CNTNAP2: variants seen among roughly 807,000 people sequenced by gnomAD.
CNTNAP2 encodes contactin-associated protein-like 2.
Under a neutral mutation model 155.2 loss-of-function variants are expected in CNTNAP2, and 98 were observed. The observed-to-expected ratio is 0.63, with a 90% CI of 0.54 to 0.75. The LOEUF (loss-of-function observed/expected upper bound fraction) is 0.75. CNTNAP2 is among the 30% of genes least tolerant of loss of function. The probability of loss-of-function intolerance (pLI) is 0.00; values close to 1 mark genes in which losing one functional copy is unlikely to be tolerated. For missense variants in CNTNAP2, 1,727 were observed against 1,688.1 expected (o/e 1.02, Z -0.40); for synonymous variants, 651 against 631.2 (o/e 1.03, Z -0.47).
intron 1 of CNTNAP2, among the ~76,000 whole-genome samples, chr7:146,179,300 T>G (rs751913703): frequency 2.6e-5 from 4 of 151,874 alleles, no homozygotes; most frequent in Non-Finnish European, 5.9e-5. Flanking sequence ...ATGGGGTAAA[T>G]AAAAATAGAA....
At chr7:147,453,848 A>G (rs1797874990) in intron 10 of CNTNAP2, among the ~76,000 whole-genome samples, 4 of 152,208 alleles carry the variant, frequency 2.6e-5, no homozygotes, top group Admixed American at 2.6e-4. Flanking sequence ...AGTGGAAATA[A>G]GGCCAAATTG....
chr7:147,626,711 A>C (rs1221224180), intron 12 of CNTNAP2, among the ~76,000 whole-genome samples: 2 of 152,202 alleles, frequency 1.3e-5, no homozygotes, highest in East Asian at 3.9e-4. Flanking sequence ...GAGGCCAACC[A>C]ACTCAGGCCA....
intron 13 of CNTNAP2, among the ~76,000 whole-genome samples, chr7:147,839,208 T>A (rs2116648530): frequency 6.6e-6 from 1 of 152,234 alleles, no homozygotes; most frequent in African/African-American, 2.4e-5. Flanking sequence ...AGATTGAGGG[T>A]GGATCTGCCT....
At chr7:147,946,266 G>A (rs933508980) in intron 14 of CNTNAP2, among the ~76,000 whole-genome samples, 4 of 152,040 alleles carry the variant, frequency 2.6e-5, no homozygotes, top group Admixed American at 6.6e-5. Context: ...GAGAGCAGCA[G>A]GTAGACATGC....
At chr7:147,223,670 C>T (rs780986527) in intron 8 of CNTNAP2, among the ~76,000 whole-genome samples, 9 of 152,086 alleles carry the variant, frequency 5.9e-5, no homozygotes, top group African/African-American at 1.7e-4. Flanking sequence ...GGGCCAGGAG[C>T]GGTGGCTCAC....
chr7:147,901,456 A>G (rs1799865747), intron 13 of CNTNAP2, among the ~76,000 whole-genome samples: 1 of 152,196 alleles, frequency 6.6e-6, no homozygotes, highest in South Asian at 2.1e-4. Context: ...TTGCAATGTG[A>G]CCTTCATCTG....
intron 8 of CNTNAP2, among the ~76,000 whole-genome samples, chr7:147,240,713 T>G (rs2116636811): frequency 6.6e-6 from 1 of 152,284 alleles, no homozygotes; most frequent in South Asian, 2.1e-4. Context: ...CAATGTTTGG[T>G]TTGGCCAGCA....
chr7:148,398,984 C>A (rs773419374), intron 22 of CNTNAP2, among the ~76,000 whole-genome samples: 7 of 152,210 alleles, frequency 4.6e-5, no homozygotes, highest in Non-Finnish European at 1.0e-4. Context: ...GAAACTGGGG[C>A]TATTTCTATG....
intron 3 of CNTNAP2, among the ~76,000 whole-genome samples, chr7:146,962,362 A>G (rs1225417404): frequency 6.6e-6 from 1 of 152,154 alleles, no homozygotes; most frequent in Non-Finnish European, 1.5e-5. Context: ...TTGAGTTCAT[A>G]TTTGAGTGCA....
chr7:146,280,982 T>C (rs1800242468), intron 1 of CNTNAP2, among the ~76,000 whole-genome samples: 1 of 152,108 alleles, frequency 6.6e-6, no homozygotes, highest in South Asian at 2.1e-4. Context: ...TCCTGAACAT[T>C]TCAGAAGTGA....
intron 1 of CNTNAP2, among the ~76,000 whole-genome samples, chr7:146,633,832 G>GAAAAAAAAA (rs60993956): frequency 0.021 from 1,686 of 78,918 alleles, 147 homozygotes; most frequent in African/African-American, 0.043. Flanking sequence ...TGCATCTAGA[G>GAAAAAAAAA]AAAAAAAAAA....
chr7:147,355,354 C>A (rs529118199), intron 9 of CNTNAP2, among the ~76,000 whole-genome samples: 1 of 151,794 alleles, frequency 6.6e-6, no homozygotes, highest in African/African-American at 2.4e-5. Flanking sequence ...CATCTAGAAT[C>A]GGTATCCTAA....
At chr7:146,895,217 T>C (rs1037273823) in intron 3 of CNTNAP2, among the ~76,000 whole-genome samples, 16 of 150,568 alleles carry the variant, frequency 1.1e-4, no homozygotes, top group East Asian at 3.9e-4. Flanking sequence ...CTTCCTTCCT[T>C]TTCCTTCCTT....
chr7:148,259,179 TAAAA>T (rs34229180), intron 20 of CNTNAP2, among the ~76,000 whole-genome samples: 2 of 24,026 alleles, frequency 8.3e-5, no homozygotes, highest in East Asian at 1.6e-3. Flanking sequence ...AACTCCGTCT[TAAAA>T]AAAAAAAAAA....
intron 7 of CNTNAP2, among the ~76,000 whole-genome samples, chr7:147,131,710 T>A (rs1351072981): frequency 6.6e-6 from 1 of 152,102 alleles, no homozygotes; most frequent in African/African-American, 2.4e-5. Flanking sequence ...TATCTATATA[T>A]GCATATACAA....
At chr7:147,282,029 A>G (rs1033776523) in intron 8 of CNTNAP2, among the ~76,000 whole-genome samples, 4 of 151,864 alleles carry the variant, frequency 2.6e-5, no homozygotes, top group African/African-American at 4.8e-5. Context: ...TTAGAAGCCA[A>G]TGTCTTCTTC....
intron 1 of CNTNAP2, among the ~76,000 whole-genome samples, chr7:146,622,206 CAT>C (rs1409142202): frequency 3.5e-5 from 5 of 143,294 alleles, no homozygotes; most frequent in South Asian, 2.1e-4. Context: ...TATATACACA[CAT>C]ATACACGTGT....
At chr7:146,151,682 G>GTATATATATA (rs775446723) in intron 1 of CNTNAP2, among the ~76,000 whole-genome samples, 1 of 74,124 alleles carries the variant, frequency 1.3e-5, no homozygotes, top group Non-Finnish European at 2.8e-5. Context: ...ATATATATAT[G>GTATATATATA]TATATATATA....
rs527964993 is a variant in CNTNAP2 at position 147,035,399 on chromosome 7, A to G, written c.403-8508A>G. 2.6e-5 allele frequency among the ~76,000 whole-genome samples: 4 copies of G among 152,358 alleles called. No homozygotes were observed. In the South Asian group the frequency reaches 8.3e-4, roughly 32 times the overall value. On this transcript the variant is annotated intron_variant, in intron 3 of 23. Coordinates refer to ENST00000361727, the MANE Select transcript of CNTNAP2 (RefSeq NM_014141.6). ...GGAAAATCTATTTCTACATTTTGACATAAGTTGTTAGCATGGGGAAAATAA... is the reference window on the plus strand; with the variant it reads ...GGAAAATCTATTTCTACATTTTGACGTAAGTTGTTAGCATGGGGAAAATAA...
Sources: allele counts gnomAD v4.1 joint callset (sites outside exome capture counted in the v4.1 genomes callset), GRCh38; gene constraint gnomAD v4.1.1; transcripts MANE v1.5; gene names NCBI Gene and HGNC (gene_info 2026-07-23, HGNC 2026-07-21).